The following LRIG1 variants were observed in gnomAD, a reference collection of about 807,000 sequenced individuals.
LRIG1 encodes the protein leucine-rich repeats and immunoglobulin-like domains protein 1.
A neutral mutation model predicts 99.2 loss-of-function variants in LRIG1; 48 were observed. That is an observed-to-expected ratio of 0.48 (90% CI 0.38 to 0.62). LRIG1 has a LOEUF of 0.62. LRIG1 is among the 20% of genes least tolerant of loss of function. The pLI is 0.00. For synonymous variants in LRIG1, 772 were observed against 596.1 expected (o/e 1.29, Z -4.30); for missense variants, 1,646 against 1,434.4 (o/e 1.15, Z -2.38).
intron 5 of LRIG1, 116 bp from the exon 6 acceptor site, chr3:66,413,130 T>A: frequency 8.2e-7 from 1 of 1,216,480 alleles, no homozygotes; most frequent in Non-Finnish European, 1.2e-6. Flanking sequence ...AGTGCAGGGA[T>A]CCCTGGGAAG....
intron 9 of LRIG1, chr3:66,401,473 A>G (rs1702051727): frequency 1.9e-6 from 1 of 514,392 alleles, no homozygotes; most frequent in Non-Finnish European, 3.3e-6. Flanking sequence ...TCCATTAAAT[A>G]TTAGTCACAT....
chr3:66,438,059 T>C lies in LRIG1; in HGVS notation c.365+13500A>G, dbSNP rs141661725. The stretch of plus-strand genomic sequence containing the variant: ...TCAAATATTGATGAAGGTACTTCAT[T>C]GGGTGGCTGGTGTGGAGTGGGGAGG... On this transcript the variant is annotated intron_variant, in intron 3 of 18. Coordinates refer to ENST00000273261, the MANE Select transcript of LRIG1 (RefSeq NM_015541.3). Among the ~76,000 whole-genome samples the C allele has an allele frequency of 1.1e-3, 173 of 152,222 alleles. 2 individuals carry two copies. Among genetic ancestry groups the C allele is most frequent in the Admixed American group, 2.9e-3 (44 of 15,300 alleles).
intron 1 of LRIG1, among the ~76,000 whole-genome samples, chr3:66,484,676 T>C (rs1700929587): frequency 6.6e-6 from 1 of 152,100 alleles, no homozygotes; most frequent in Admixed American, 6.5e-5. Flanking sequence ...AGAAGCGCGA[T>C]GAGGGGCAGG....
intron 3 of LRIG1, among the ~76,000 whole-genome samples, chr3:66,427,232 C>T (rs1432959739): frequency 6.6e-6 from 1 of 152,246 alleles, no homozygotes; most frequent in Non-Finnish European, 1.5e-5. Flanking sequence ...TCACCACCCA[C>T]ATACAGCACG....
chr3:66,460,804 T>C (rs1263658962), intron 2 of LRIG1, among the ~76,000 whole-genome samples: 28 of 152,258 alleles, frequency 1.8e-4, no homozygotes, highest in Admixed American at 1.8e-3. Flanking sequence ...TCTGGGAGAA[T>C]GAGAGTCCTA....
chr3:66,422,067 C>T (rs1440909925), intron 3 of LRIG1, among the ~76,000 whole-genome samples: 1 of 152,176 alleles, frequency 6.6e-6, no homozygotes, highest in African/African-American at 2.4e-5. Flanking sequence ...CTAGGCTGCA[C>T]ACAGCACAGG....
chr3:66,463,254 G>T (rs779799863), intron 1 of LRIG1, among the ~76,000 whole-genome samples: 6 of 152,176 alleles, frequency 3.9e-5, no homozygotes, highest in Non-Finnish European at 7.3e-5. Flanking sequence ...AGTAAACACT[G>T]TAAGATCCTG....
intron 3 of LRIG1, among the ~76,000 whole-genome samples, chr3:66,437,117 C>T (rs1326009024): frequency 2.0e-5 from 3 of 152,224 alleles, no homozygotes; most frequent in African/African-American, 7.2e-5. Flanking sequence ...TCCGTCTCTG[C>T]AGTGGGGAAC....
At chr3:66,447,718 C>T (rs17044579) in intron 3 of LRIG1, among the ~76,000 whole-genome samples, 6,086 of 152,242 alleles carry the variant, frequency 0.04, 387 homozygotes, top group African/African-American at 0.14. Flanking sequence ...TACATTTTTA[C>T]TCCCAGGACT....
chr3:66,433,513 T>C (rs1703247470), intron 3 of LRIG1, among the ~76,000 whole-genome samples: 1 of 152,260 alleles, frequency 6.6e-6, no homozygotes, highest in Non-Finnish European at 1.5e-5. Context: ...AGCACTTGGC[T>C]GCAGCCTCTA....
chr3:66,412,935 G>C lies in LRIG1; in HGVS notation c.727C>G (p.Gln243Glu). Residue 243 changes from glutamine (Q) to glutamate (E), a missense_variant, in exon 6 of 19, where the codon CAG (glutamine) becomes GAG (glutamate). Transcript: ENST00000273261. ...GTCAGTTTGCTGATGTTGTTTCGCTGAAGCTTCAGCACCTCCAAGCTGTTG... is the reference window on the plus strand; with the variant it reads ...GTCAGTTTGCTGATGTTGTTTCGCTCAAGCTTCAGCACCTCCAAGCTGTTG... ...GLNSLEVLKL[Q>E]RNNISKLTDG... The C allele has an allele frequency of 6.2e-7, 1 of 1,614,202 alleles. No homozygotes were observed. Among genetic ancestry groups the C allele is most frequent in the Non-Finnish European group, 8.5e-7 (1 of 1,180,030 alleles).
intron 9 of LRIG1, among the ~76,000 whole-genome samples, chr3:66,400,853 G>C (rs1220048697): frequency 6.6e-6 from 1 of 152,102 alleles, no homozygotes; most frequent in Non-Finnish European, 1.5e-5. Context: ...AACCGCTTGG[G>C]CAGGTACCAG....
At chr3:66,423,439 C>T (rs138155657) in intron 3 of LRIG1, among the ~76,000 whole-genome samples, 9 of 152,188 alleles carry the variant, frequency 5.9e-5, no homozygotes, top group Admixed American at 2.6e-4. Context: ...GGCATGGTGG[C>T]GCATGCCTGT....
chr3:66,433,583 C>A (rs1257465632), intron 3 of LRIG1, among the ~76,000 whole-genome samples: 1 of 152,232 alleles, frequency 6.6e-6, no homozygotes, highest in Non-Finnish European at 1.5e-5. Flanking sequence ...AAAAATAAAA[C>A]CAGGCCTGCT....
intron 11 of LRIG1, among the ~76,000 whole-genome samples, chr3:66,395,606 A>G (rs921144330): frequency 2.6e-5 from 4 of 152,208 alleles, no homozygotes; most frequent in African/African-American, 9.7e-5. Context: ...AATCAGCATG[A>G]GAGTTTGCAT....
intron 3 of LRIG1, among the ~76,000 whole-genome samples, chr3:66,444,884 TATAC>T (rs1369555134): frequency 4.0e-5 from 6 of 151,526 alleles, no homozygotes; most frequent in African/African-American, 1.2e-4. Context: ...TATATATATA[TATAC>T]ACACACACAT....
chr3:66,410,239 G>C lies in LRIG1; in HGVS notation c.825C>G (p.Asn275Lys), dbSNP rs189073243. The part of the protein sequence containing the change: ...HLEYNSLVEV[N>K]SGSLYGLTAL... ...CCGTGAGGCCGTAGAGCGAGCCGCT[G>C]TTCACTTCTACCAGGCTGTTGTACT... is the stretch of plus-strand genomic sequence containing the variant. The change falls in exon 7 of 19, where the codon AAC becomes AAG. Residue 275 changes from asparagine to lysine, a missense_variant. Transcript: ENST00000273261. 6 of 1,613,278 alleles carry C rather than the reference G, an allele frequency of 3.7e-6. No individual in the cohort carries two copies. Among genetic ancestry groups the C allele is most frequent in the Non-Finnish European group, 4.2e-6 (5 of 1,179,574 alleles).
Position 66,383,257 on chromosome 3 carries a change from T to C in LRIG1, c.2216A>G (p.His739Arg), listed in dbSNP as rs749932176. 3 of 1,614,166 alleles carry C rather than the reference T, an allele frequency of 1.9e-6. No homozygotes were observed. The highest frequency in any genetic ancestry group is 2.2e-5 in the South Asian group (2 of 91,078). ...GAGCTGGTTGTCAGGGGTCAAGTGG[T>C]GCCGCTCAGTGAGGCTCAGCGGGCG... The part of the protein sequence containing the change: ...GDRPLSLTER[H>R]HLTPDNQLLV... Residue 739 changes from histidine to arginine, a missense_variant, in exon 15 of 19, where the codon CAC becomes CGC. His to Arg is a conservative substitution (Grantham distance 29, BLOSUM62 0). Coordinates refer to ENST00000273261, the MANE Select transcript of LRIG1 (RefSeq NM_015541.3).
At chr3:66,409,154 G>A (rs1029261553) in intron 7 of LRIG1, among the ~76,000 whole-genome samples, 1 of 151,980 alleles carries the variant, frequency 6.6e-6, no homozygotes, top group Non-Finnish European at 1.5e-5. Flanking sequence ...ACTTCAGTGG[G>A]TGAATTTTTT....
Sources: allele counts gnomAD v4.1 joint callset (sites outside exome capture counted in the v4.1 genomes callset), GRCh38; gene constraint gnomAD v4.1.1; transcripts MANE v1.5; gene names NCBI Gene and HGNC (gene_info 2026-07-23, HGNC 2026-07-21).